Variants in TCF20 observed in about 807,000 individuals in gnomAD.
The protein encoded by TCF20 is SPRE-binding protein.
TCF20 carries 3 observed loss-of-function variants against 148.6 expected under a neutral mutation model. The ratio of observed to expected loss-of-function variants is 0.02; its 90% CI spans 0.01 to 0.05. The LOEUF (loss-of-function observed/expected upper bound fraction) is 0.05. Among genes scored for constraint, TCF20 ranks in the 10% least tolerant of loss-of-function variants. The pLI is 1.00. For missense variants in TCF20, 2,350 were observed against 2,429.3 expected (o/e 0.97, Z 0.69); for synonymous variants, 1,049 against 909.5 (o/e 1.15, Z -2.76).
rs1418297433 is a variant in TCF20, at chr22:42,214,437, T to G, written c.869A>C (p.Tyr290Ser). 6.2e-7 allele frequency: 1 copy of G among 1,614,206 alleles called. No homozygotes were observed. Among genetic ancestry groups the G allele is most frequent in the East Asian group, 2.2e-5 (1 of 44,888 alleles). ...NAQAYGTQSN[Y>S]SYQPQSMKNF... Reference sequence around the variant, plus strand: ...CTTCATAGATTGAGGCTGATAGCTGTAATTGGATTGTGTTCCATAAGCCTG... The same window carrying G: ...CTTCATAGATTGAGGCTGATAGCTGGAATTGGATTGTGTTCCATAAGCCTG... The change falls in exon 2 of 6, where the codon TAC becomes TCC. Residue 290 changes from tyrosine to serine, a missense_variant. Coordinates refer to ENST00000677622, the MANE Select transcript of TCF20 (RefSeq NM_001378418.1).
At chr22:42,229,427 C>A (rs930957858) in intron 1 of TCF20, among the ~76,000 whole-genome samples, 2 of 152,118 alleles carry the variant, frequency 1.3e-5, no homozygotes, top group Admixed American at 1.3e-4. Flanking sequence ...TCCAATCATT[C>A]TTTTATTGTT....
intron 1 of TCF20, among the ~76,000 whole-genome samples, chr22:42,305,587 T>C (rs147377195): frequency 7.0e-4 from 106 of 152,278 alleles, no homozygotes; most frequent in African/African-American, 2.6e-3. Flanking sequence ...AATGGATGGA[T>C]GAAGGTGCTG....
rs530244316 is a variant in TCF20 at position 42,226,089 on chromosome 22, A to T, written c.-36-10748T>A. On this transcript the variant is annotated intron_variant, in intron 1 of 5. Transcript: ENST00000677622. ...TGGGCCCTATCCTGGCCCCACCCCC[A>T]CTCCATGGCTATCTGTCTTATTTTC... Among the ~76,000 whole-genome samples, 5 of 151,842 alleles carry T rather than the reference A, an allele frequency of 3.3e-5. No homozygotes were observed. The South Asian group carries it at 1.0e-3, about 32-fold the overall frequency.
At chr22:42,319,728 G>T (rs1339301417) in intron 1 of TCF20, among the ~76,000 whole-genome samples, 1 of 152,090 alleles carries the variant, frequency 6.6e-6, no homozygotes, top group African/African-American at 2.4e-5. Flanking sequence ...AAAGTGTCAG[G>T]GCTGACTCTG....
At chr22:42,322,903 T>TC (rs373529092) in intron 1 of TCF20, among the ~76,000 whole-genome samples, 1 of 150,340 alleles carries the variant, frequency 6.7e-6, no homozygotes, top group African/African-American at 2.4e-5. Context: ...GTTTTTTTTT[T>TC]GTTTGTTTTT....
At chr22:42,251,975 G>A (rs998548211) in intron 1 of TCF20, among the ~76,000 whole-genome samples, 7 of 151,584 alleles carry the variant, frequency 4.6e-5, no homozygotes, top group Non-Finnish European at 7.4e-5. Context: ...AGGCTGAGGT[G>A]GGCAGATCAC....
At chr22:42,289,848 G>A (rs1017995120) in intron 1 of TCF20, among the ~76,000 whole-genome samples, 1 of 152,132 alleles carries the variant, frequency 6.6e-6, no homozygotes, top group African/African-American at 2.4e-5. Flanking sequence ...GGATTGCCCC[G>A]CCCCCGAGCT....
chr22:42,306,464 C>T (rs1395497428), intron 1 of TCF20, among the ~76,000 whole-genome samples: 1 of 152,216 alleles, frequency 6.6e-6, no homozygotes, highest in Non-Finnish European at 1.5e-5. Flanking sequence ...ACTGGGGAAG[C>T]CTCCAGGAGA....
At chr22:42,328,301 C>T (rs1927909993) in intron 1 of TCF20, among the ~76,000 whole-genome samples, 1 of 152,202 alleles carries the variant, frequency 6.6e-6, no homozygotes, top group Non-Finnish European at 1.5e-5. Flanking sequence ...AGCAAATGAG[C>T]AGCCCTGTGG....
chr22:42,318,141 C>A (rs1927666973), intron 1 of TCF20, among the ~76,000 whole-genome samples: 1 of 152,258 alleles, frequency 6.6e-6, no homozygotes, highest in African/African-American at 2.4e-5. Flanking sequence ...GTATGATTTG[C>A]ATATGCTAAT....
chr22:42,287,106 C>G (rs1927046501), upstream of TCF20, among the ~76,000 whole-genome samples: 3 of 152,060 alleles, frequency 2.0e-5, no homozygotes, highest in African/African-American at 4.8e-5. Flanking sequence ...AGGGTATGGG[C>G]ACCCAACCCC....
chr22:42,332,738 G>A (rs1284326359), intron 1 of TCF20, among the ~76,000 whole-genome samples: 1 of 152,204 alleles, frequency 6.6e-6, no homozygotes, highest in African/African-American at 2.4e-5. Flanking sequence ...AAAGTGCTGG[G>A]ATTACAGGCA....
chr22:42,285,984 G>A (rs1275895211), upstream of TCF20, among the ~76,000 whole-genome samples: 1 of 152,176 alleles, frequency 6.6e-6, no homozygotes, highest in Non-Finnish European at 1.5e-5. The surrounding 1 kb of genome is among the most constrained non-coding windows in gnomAD (Gnocchi z 4.2). Context: ...AAGGCAGGAA[G>A]AAATGGTGGA....
chr22:42,300,144 G>A (rs909976617), intron 1 of TCF20, among the ~76,000 whole-genome samples: 5 of 152,142 alleles, frequency 3.3e-5, no homozygotes, highest in East Asian at 1.9e-4. Context: ...AATATCAGGG[G>A]GTTAGGGGAA....
intron 1 of TCF20, among the ~76,000 whole-genome samples, chr22:42,219,559 A>G (rs781121275): frequency 3.3e-5 from 5 of 151,872 alleles, no homozygotes; most frequent in African/African-American, 4.8e-5. Flanking sequence ...ACTTGCATAC[A>G]CACTCTAAAA....
chr22:42,293,994 C>T (rs112585007), intron 1 of TCF20, among the ~76,000 whole-genome samples: 3,836 of 152,318 alleles, frequency 0.025, 71 homozygotes, highest in Non-Finnish European at 0.041. Flanking sequence ...AGGGAGACTC[C>T]GTCTCAAAGA....
intron 2 of TCF20, among the ~76,000 whole-genome samples, chr22:42,182,831 T>C (rs1409180131): frequency 6.6e-6 from 1 of 152,190 alleles, no homozygotes; most frequent in Non-Finnish European, 1.5e-5. Flanking sequence ...CCGACTCCCA[T>C]GTTCAAGTGA....
intron 1 of TCF20, among the ~76,000 whole-genome samples, chr22:42,221,061 G>C (rs997467961): frequency 4.6e-5 from 7 of 152,190 alleles, no homozygotes; most frequent in Non-Finnish European, 7.3e-5. Context: ...CTCCTCTGCA[G>C]ATCAGAAGCT....
At chr22:42,250,854 G>A (rs958064410) in intron 1 of TCF20, among the ~76,000 whole-genome samples, 7 of 152,188 alleles carry the variant, frequency 4.6e-5, no homozygotes, top group African/African-American at 1.7e-4. Context: ...GCCTCAGGAA[G>A]CTTCCAATCA....
Sources: allele counts gnomAD v4.1 joint callset (sites outside exome capture counted in the v4.1 genomes callset), GRCh38; gene constraint gnomAD v4.1.1; non-coding constraint Gnocchi (gnomAD v3.1); transcripts MANE v1.5; gene names NCBI Gene and HGNC (gene_info 2026-07-23, HGNC 2026-07-21).